The following SLC14A2 variants were observed in gnomAD, a reference collection of about 807,000 sequenced individuals.
The protein encoded by SLC14A2 is urea transporter 2.
Under a neutral mutation model 104.6 loss-of-function variants are expected in SLC14A2, and 91 were observed. The ratio of observed to expected loss-of-function variants is 0.87; its 90% CI spans 0.73 to 1.04. The LOEUF (loss-of-function observed/expected upper bound fraction) is 1.04. Ranked by LOEUF, SLC14A2 falls within the 50% of genes least tolerant of loss-of-function variation. The pLI is 0.00. For missense variants in SLC14A2, 1,189 were observed against 1,156.0 expected (o/e 1.03, Z -0.41); for synonymous variants, 476 against 466.4 (o/e 1.02, Z -0.27).
intron 2 of SLC14A2, among the ~76,000 whole-genome samples, chr18:45,569,918 G>A (rs1157693558): frequency 6.6e-6 from 1 of 152,158 alleles, no homozygotes; most frequent in African/African-American, 2.4e-5. Context: ...AATCAAGAGA[G>A]TTTGACTAAA....
chr18:45,626,375 C>T (rs145642489), intron 3 of SLC14A2, among the ~76,000 whole-genome samples: 2 of 152,296 alleles, frequency 1.3e-5, no homozygotes, highest in Non-Finnish European at 2.9e-5. Flanking sequence ...AGCCCCGACA[C>T]CTGCACCAGT....
intron 1 of SLC14A2, among the ~76,000 whole-genome samples, chr18:45,387,342 C>T (rs2085909034): frequency 6.6e-6 from 1 of 152,162 alleles, no homozygotes; most frequent in Admixed American, 6.5e-5. Context: ...TGCCCTGCCC[C>T]CCAAACAAGG....
intron 1 of SLC14A2, among the ~76,000 whole-genome samples, chr18:45,278,121 G>A (rs2084722583): frequency 1.3e-5 from 2 of 152,188 alleles, no homozygotes; most frequent in African/African-American, 4.8e-5. Context: ...TATTGACAAA[G>A]AGCTATTTCC....
intron 1 of SLC14A2, among the ~76,000 whole-genome samples, chr18:45,414,584 T>A (rs2086248910): frequency 1.3e-5 from 2 of 150,718 alleles, no homozygotes; most frequent in African/African-American, 4.9e-5. Context: ...TCTGCACATG[T>A]AATCCAGAAC....
At chr18:45,560,934 C>T (rs1488303335) in intron 2 of SLC14A2, among the ~76,000 whole-genome samples, 2 of 152,190 alleles carry the variant, frequency 1.3e-5, no homozygotes, top group Admixed American at 6.5e-5. Flanking sequence ...CTATTCTCTT[C>T]TCTTCTGCTT....
rs2084981223 is a variant in SLC14A2 at position 45,302,805 on chromosome 18, C to T, written c.-125+89614C>T. On this transcript the variant is annotated intron_variant, in intron 1 of 20. Transcript: ENST00000586448. ...TGGAATAATATGTAAGGAGATAGGA[C>T]ATGTTTACATAAAATGTTAACAAAA... is the stretch of plus-strand genomic sequence containing the variant. Among the ~76,000 whole-genome samples, 4 of 152,226 alleles carry T rather than the reference C, an allele frequency of 2.6e-5. No individual in the cohort carries two copies. The South Asian group carries it at 8.3e-4, about 32-fold the overall frequency.
At chr18:45,182,996 G>T in the SLC14A2 span, among the ~76,000 whole-genome samples, 2 of 152,202 alleles carry the variant, frequency 1.3e-5, no homozygotes, top group Non-Finnish European at 2.9e-5. Context: ...AGACTTGACA[G>T]ATTGGTGACT....
Position 45,556,566 on chromosome 18 carries a change from T to G in SLC14A2, c.-34-68065T>G, listed in dbSNP as rs571584174. ...AGCTAATTGAGCATGAGCAATTTAT[T>G]TAATCTCTCTATGTCTTGACTTCCC... On this transcript the variant is annotated intron_variant, in intron 2 of 20. Coordinates refer to the SLC14A2 transcript ENST00000586448. Among the ~76,000 whole-genome samples, 100 of 152,338 alleles carry G rather than the reference T, an allele frequency of 6.6e-4. 1 individual carries two copies. The highest frequency in any genetic ancestry group is 6.4e-3 in the Admixed American group (98 of 15,304).
upstream of SLC14A2, among the ~76,000 whole-genome samples, chr18:45,209,814 G>A (rs1261725129): frequency 6.6e-6 from 1 of 152,186 alleles, no homozygotes; most frequent in East Asian, 1.9e-4. Context: ...TCTTATTGAG[G>A]CAATAATTAA....
chr18:45,671,474 T>G (rs555136360), intron 16 of SLC14A2, among the ~76,000 whole-genome samples: 1 of 152,254 alleles, frequency 6.6e-6, no homozygotes, highest in Admixed American at 6.5e-5. Context: ...TTCCCAGCAA[T>G]GTTGAGTCCC....
chr18:45,319,834 G>GT (rs1396013141), intron 1 of SLC14A2, among the ~76,000 whole-genome samples: 1 of 152,176 alleles, frequency 6.6e-6, no homozygotes, highest in African/African-American at 2.4e-5. Context: ...GTATATTATT[G>GT]TTTTTTTCCA....
intron 1 of SLC14A2, among the ~76,000 whole-genome samples, chr18:45,437,371 C>T (rs2144569207): frequency 6.6e-6 from 1 of 152,004 alleles, no homozygotes; most frequent in Admixed American, 6.6e-5. Context: ...AGTCATGCAC[C>T]CAGGACCCCA....
Position 45,666,220 on chromosome 18 carries a change from G to A in SLC14A2, c.1557+1G>A, listed in dbSNP as rs1245402534. The A allele has an allele frequency of 6.2e-7, 1 of 1,604,102 alleles. No individual in the cohort carries two copies. The highest frequency in any genetic ancestry group is 8.5e-7 in the Non-Finnish European group (1 of 1,170,850). The stretch of plus-strand genomic sequence containing the variant: ...CCGGAAGCCCACAGTCGAGCTGCTT[G>A]TGAGTACTGAGTGTCCTGAATCAGG... On this transcript the variant is annotated splice_donor_variant, in intron 12 of 19. Transcript: ENST00000255226. LOFTEE classifies it high-confidence loss of function.
At chr18:45,516,917 A>T (rs1420192365) in intron 2 of SLC14A2, among the ~76,000 whole-genome samples, 1 of 152,216 alleles carries the variant, frequency 6.6e-6, no homozygotes, top group Non-Finnish European at 1.5e-5. Context: ...AAAGCTTCAC[A>T]TGGGAGTGGA....
At chr18:45,421,155 A>G (rs1340219844) in intron 1 of SLC14A2, among the ~76,000 whole-genome samples, 5 of 152,218 alleles carry the variant, frequency 3.3e-5, no homozygotes, top group African/African-American at 7.2e-5. Flanking sequence ...AAGTGAATCA[A>G]GAACCTAAAA....
Position 45,533,441 on chromosome 18 carries a change from C to T in SLC14A2, c.-35+50119C>T, listed in dbSNP as rs188658541. 2.8e-3 allele frequency among the ~76,000 whole-genome samples: 423 copies of T among 152,226 alleles called. 2 individuals carry two copies. The highest frequency in any genetic ancestry group is 3.8e-3 in the Non-Finnish European group (256 of 68,008). ...TTTAGTCTTGGGAGAGTGTGTGTGT[C>T]GAGGAATTTATCCATTTCTTCTAGA... is the stretch of plus-strand genomic sequence containing the variant. On this transcript the variant is annotated intron_variant, in intron 2 of 20. Transcript: ENST00000586448.
intron 2 of SLC14A2, among the ~76,000 whole-genome samples, chr18:45,489,320 G>C (rs2087674382): frequency 6.6e-6 from 1 of 152,110 alleles, no homozygotes; most frequent in South Asian, 2.1e-4. Context: ...AGACCAGCCT[G>C]GCCAACATAG....
Position 45,323,460 on chromosome 18 carries a change from C to T in SLC14A2, c.-125+110269C>T, listed in dbSNP as rs111688002. On this transcript the variant is annotated intron_variant, in intron 1 of 20. Coordinates refer to the SLC14A2 transcript ENST00000586448. ...AAGTCTGGGAAGGACAAAGGGAAGA[C>T]GAAAGAGAAATGGAGGTTTAAGAAG... 9.9e-3 allele frequency among the ~76,000 whole-genome samples: 1,511 copies of T among 152,194 alleles called. 29 individuals are homozygous for T. The highest frequency in any genetic ancestry group is 0.034 in the African/African-American group (1,428 of 41,520).
At position 45,396,465 on chromosome 18, in the gene SLC14A2, T is replaced by C. The variant is rs535402719; in HGVS notation, c.-124-86768T>C. On this transcript the variant is annotated intron_variant, in intron 1 of 20. Coordinates refer to the SLC14A2 transcript ENST00000586448. ...TATACTATCCACATTGCTCCCCCACTTGTCAACACATACTTAAAAATGTCA... is the reference window on the plus strand; with the variant it reads ...TATACTATCCACATTGCTCCCCCACCTGTCAACACATACTTAAAAATGTCA... Among the ~76,000 whole-genome samples the C allele has an allele frequency of 5.9e-5, 9 of 152,278 alleles. No individual in the cohort carries two copies. The East Asian group carries it at 1.7e-3, about 29-fold the overall frequency.
Sources: allele counts gnomAD v4.1 joint callset (sites outside exome capture counted in the v4.1 genomes callset), GRCh38; gene constraint gnomAD v4.1.1; transcripts MANE v1.5; gene names NCBI Gene and HGNC (gene_info 2026-07-23, HGNC 2026-07-21).